GSG1L: variants seen among roughly 807,000 people sequenced by gnomAD.
GSG1L encodes the protein GSG1 like.
In GSG1L, 24 loss-of-function variants were observed where a neutral mutation model predicts 42.1. The ratio of observed to expected loss-of-function variants is 0.57; its 90% confidence interval spans 0.41 to 0.80. The LOEUF is 0.80. Ranked by LOEUF, GSG1L falls within the 30% of genes least tolerant of loss-of-function variation. The pLI is 0.00. For missense variants in GSG1L, 445 were observed against 472.2 expected, an observed-to-expected ratio of 0.94 and a Z score of 0.53; for synonymous variants, 215 against 203.5, an observed-to-expected ratio of 1.06 and a Z score of -0.48.
chr16:27,810,559 C>G (rs1038508692), intron 5 of GSG1L, among the ~76,000 whole-genome samples: 1 of 152,236 alleles, frequency 6.6e-6, no homozygotes, highest in African/African-American at 2.4e-5. Context: ...GGAACATACT[C>G]TGAACTTTTT....
rs149098968 is a variant in GSG1L, at chr16:27,808,691, C to G, written c.831-1137G>C. ...ACCTCGGCCTCCCAATAAAACACTT[C>G]CTAAAGATAATTCTGCGTACTATCA... On this transcript the variant is annotated intron_variant, in intron 5 of 6. Coordinates refer to ENST00000447459, the MANE Select transcript of GSG1L (RefSeq NM_001109763.2). 1.2e-4 allele frequency among the ~76,000 whole-genome samples: 19 copies of G among 152,280 alleles called. No homozygotes were observed. The East Asian group carries it at 3.7e-3, about 29-fold the overall frequency.
chr16:27,889,409 G>A (rs964051131), intron 2 of GSG1L, among the ~76,000 whole-genome samples: 4 of 152,086 alleles, frequency 2.6e-5, no homozygotes, highest in East Asian at 3.9e-4. Flanking sequence ...TGTTCTTGTC[G>A]TTATAATTGT....
intron 1 of GSG1L, among the ~76,000 whole-genome samples, chr16:28,049,441 G>A (rs2086199073): frequency 6.6e-6 from 1 of 151,940 alleles, no homozygotes; most frequent in Non-Finnish European, 1.5e-5. Flanking sequence ...AACACTTTGG[G>A]AGGCCAAGGC....
chr16:27,873,142 T>C (rs1443505390), intron 3 of GSG1L, among the ~76,000 whole-genome samples: 2 of 152,224 alleles, frequency 1.3e-5, no homozygotes, highest in African/African-American at 4.8e-5. Flanking sequence ...ACACAGTAGG[T>C]GCTCAATAAA....
chr16:27,925,443 G>A (rs1439730696), intron 2 of GSG1L, among the ~76,000 whole-genome samples: 1 of 152,274 alleles, frequency 6.6e-6, no homozygotes, highest in East Asian at 1.9e-4. Flanking sequence ...ATTGGGAGAA[G>A]TGTTTAAATG....
At chr16:28,037,396 C>A (rs996418893) in intron 1 of GSG1L, among the ~76,000 whole-genome samples, 3 of 152,184 alleles carry the variant, frequency 2.0e-5, no homozygotes, top group African/African-American at 4.8e-5. Flanking sequence ...GAAAACACAG[C>A]CTCAGTTTCC....
intron 6 of GSG1L, among the ~76,000 whole-genome samples, chr16:27,807,168 C>A (rs2144436336): frequency 6.6e-6 from 1 of 152,338 alleles, no homozygotes; most frequent in Middle Eastern, 3.4e-3. Flanking sequence ...CTCCTTCTAG[C>A]CAGGACTGTC....
intron 1 of GSG1L, among the ~76,000 whole-genome samples, chr16:28,002,194 G>A (rs2085584836): frequency 6.6e-6 from 1 of 152,178 alleles, no homozygotes; most frequent in Non-Finnish European, 1.5e-5. Context: ...TATGTGCCCT[G>A]AATAAAATAA....
chr16:27,920,872 C>G (rs1168775329), intron 2 of GSG1L, among the ~76,000 whole-genome samples: 1 of 152,150 alleles, frequency 6.6e-6, no homozygotes, highest in Non-Finnish European at 1.5e-5. Flanking sequence ...TGGCCAAGAG[C>G]AGAGAATGCA....
At chr16:27,957,337 A>G (rs1294284780) in intron 2 of GSG1L, among the ~76,000 whole-genome samples, 2 of 152,060 alleles carry the variant, frequency 1.3e-5, no homozygotes, top group African/African-American at 4.8e-5. Flanking sequence ...ACAGAGCAAG[A>G]CTCCACCAAA....
chr16:27,980,190 G>A (rs34743068), intron 1 of GSG1L, among the ~76,000 whole-genome samples: 34,088 of 152,076 alleles, frequency 0.22, 4,156 homozygotes, highest in South Asian at 0.38. Context: ...AGCATTGAGG[G>A]TCTGCCAAGT....
chr16:27,865,357 C>G (rs1194021408), intron 3 of GSG1L, among the ~76,000 whole-genome samples: 5 of 151,496 alleles, frequency 3.3e-5, no homozygotes, highest in Non-Finnish European at 5.9e-5. Context: ...GGGAAGTGTC[C>G]CCTGCCCCAG....
chr16:27,798,283 C>T (rs1386275920), intron 6 of GSG1L, among the ~76,000 whole-genome samples: 1 of 152,148 alleles, frequency 6.6e-6, no homozygotes, highest in Admixed American at 6.5e-5. Flanking sequence ...ACGTGTTCCC[C>T]TCTGCCAGGA....
intron 6 of GSG1L, among the ~76,000 whole-genome samples, chr16:27,806,448 G>C (rs895162803): frequency 6.6e-6 from 1 of 152,228 alleles, no homozygotes; most frequent in Non-Finnish European, 1.5e-5. Context: ...GTAAGAATTT[G>C]AGTGCCCATG....
chr16:27,879,732 A>G (rs2083929151), intron 3 of GSG1L, among the ~76,000 whole-genome samples: 1 of 152,026 alleles, frequency 6.6e-6, no homozygotes, highest in Admixed American at 6.5e-5. Context: ...ATCTAATACA[A>G]TGTAAATGAT....
At chr16:27,923,188 C>A (rs1379658922) in intron 2 of GSG1L, among the ~76,000 whole-genome samples, 1 of 152,184 alleles carries the variant, frequency 6.6e-6, no homozygotes, top group Non-Finnish European at 1.5e-5. Context: ...CCAGACACAA[C>A]CACCAAGCTT....
chr16:27,915,715 G>C (rs189138935), intron 2 of GSG1L, among the ~76,000 whole-genome samples: 12 of 152,276 alleles, frequency 7.9e-5, no homozygotes, highest in Admixed American at 2.0e-4. Context: ...GTTTGAGGCT[G>C]CAGTGAGCTA....
intron 1 of GSG1L, among the ~76,000 whole-genome samples, chr16:27,980,901 C>CAAAAA (rs11390148): frequency 1.6e-5 from 2 of 127,026 alleles, no homozygotes; most frequent in Non-Finnish European, 3.3e-5. Context: ...AACCAAAAAA[C>CAAAAA]AAAAAAAAAA....
intron 1 of GSG1L, among the ~76,000 whole-genome samples, chr16:28,016,733 T>A (rs911774017): frequency 4.6e-5 from 7 of 152,250 alleles, no homozygotes; most frequent in African/African-American, 1.7e-4. Flanking sequence ...GGCATTGTGC[T>A]AAATGACTTA....
Sources: allele counts gnomAD v4.1 joint callset (sites outside exome capture counted in the v4.1 genomes callset), GRCh38; gene constraint gnomAD v4.1.1; transcripts MANE v1.5; gene names NCBI Gene and HGNC (gene_info 2026-07-23, HGNC 2026-07-21).